ANO10: variants seen among roughly 807,000 people sequenced by gnomAD.
The protein encoded by ANO10 is anoctamin-10.
A neutral mutation model predicts 74.7 loss-of-function variants in ANO10; 77 were observed. The observed-to-expected ratio is 1.03, with a 90% CI of 0.86 to 1.25. ANO10 has a LOEUF of 1.25. Ranked by LOEUF, ANO10 falls within the 50% of genes most tolerant of loss-of-function variation. ANO10 has a pLI of 0.00. For missense variants in ANO10, 721 were observed against 778.1 expected (o/e 0.93, Z 0.87); for synonymous variants, 279 against 284.9 (o/e 0.98, Z 0.21).
At chr3:43,441,202 A>G (rs1245340885) in intron 11 of ANO10, among the ~76,000 whole-genome samples, 1 of 135,210 alleles carries the variant, frequency 7.4e-6, no homozygotes. Flanking sequence ...AAAAATAAAC[A>G]GACTAGAAAA....
At chr3:43,426,819 T>C (rs2148926974) in intron 12 of ANO10, among the ~76,000 whole-genome samples, 1 of 152,350 alleles carries the variant, frequency 6.6e-6, no homozygotes. Flanking sequence ...GAAAATGCCC[T>C]ATGCAAAGTA....
At chr3:43,380,573 T>G (rs13079636) in intron 12 of ANO10, among the ~76,000 whole-genome samples, 28,256 of 152,156 alleles carry the variant, frequency 0.19, 3,144 homozygotes, top group Middle Eastern at 0.35. Context: ...GGCCAAGAAT[T>G]TTGTGTCTAC....
At chr3:43,372,747 G>C (rs1377834123) in intron 12 of ANO10, 3 of 1,131,174 alleles carry the variant, frequency 2.7e-6, no homozygotes, top group East Asian at 5.1e-5. Flanking sequence ...GGTCTCCAGA[G>C]AGCAGGGCCA....
At chr3:43,371,650 A>C (rs1381649316) in intron 12 of ANO10, among the ~76,000 whole-genome samples, 1 of 152,148 alleles carries the variant, frequency 6.6e-6, no homozygotes, top group Non-Finnish European at 1.5e-5. Flanking sequence ...CCTCCACTCA[A>C]GCTGTGCACA....
At chr3:43,664,732 C>T (rs990872374) in intron 1 of ANO10, among the ~76,000 whole-genome samples, 10 of 152,240 alleles carry the variant, frequency 6.6e-5, no homozygotes, top group African/African-American at 2.2e-4. Flanking sequence ...TGAACAGACC[C>T]TTCTCAAAAG....
chr3:43,458,270 C>T (rs911159901), intron 11 of ANO10, among the ~76,000 whole-genome samples: 2 of 152,194 alleles, frequency 1.3e-5, no homozygotes, highest in Non-Finnish European at 2.9e-5. Context: ...GCAATAAGAT[C>T]CTTATAGCAC....
At position 43,584,404 on chromosome 3, in the gene ANO10, C is replaced by T. The variant is rs75328270; in HGVS notation, c.473-3932G>A. Among the ~76,000 whole-genome samples, 710 of 152,252 alleles carry T rather than the reference C, an allele frequency of 4.7e-3. 6 individuals carry two copies. Among genetic ancestry groups the T allele is most frequent in the East Asian group, 0.025 (130 of 5,176 alleles). ...AGATGGACAGTGGGAAGCCAGGACA[C>T]GGCTCGGCTCACTCATACCCAGAGA... On this transcript the variant is annotated intron_variant, in intron 4 of 12. Coordinates refer to ENST00000292246, the MANE Select transcript of ANO10 (RefSeq NM_018075.5).
rs189481495 is a variant in ANO10, at chr3:43,535,307, C to T, written c.1797+14413G>A. Among the ~76,000 whole-genome samples, 38 of 129,058 alleles carry T rather than the reference C, an allele frequency of 2.9e-4. No individual in the cohort carries two copies. In the East Asian group the frequency reaches 8.4e-3, roughly 28 times the overall value. 84.7% of individuals were successfully genotyped at this position (129,058 alleles called of 152,430 possible). ...TTTTTTTGAAGGGGGGAAGAGGTCT[C>T]GCTCTGTCACCAGGCTGGAGTACAA... On this transcript the variant is annotated intron_variant, in intron 11 of 12. Coordinates refer to ENST00000292246, the MANE Select transcript of ANO10 (RefSeq NM_018075.5).
chr3:43,565,133 G>T (rs1367063335), intron 8 of ANO10, among the ~76,000 whole-genome samples: 1 of 152,158 alleles, frequency 6.6e-6, no homozygotes. Context: ...ATAAAAAGGA[G>T]AATTTAGAAA....
intron 11 of ANO10, among the ~76,000 whole-genome samples, chr3:43,510,921 T>G (rs547833680): frequency 5.8e-4 from 88 of 152,318 alleles, no homozygotes; most frequent in Non-Finnish European, 8.8e-4. Context: ...TTTAAAATAG[T>G]AGGACACAAT....
intron 11 of ANO10, among the ~76,000 whole-genome samples, chr3:43,548,504 G>T (rs2079302149): frequency 6.6e-6 from 1 of 152,262 alleles, no homozygotes; most frequent in African/African-American, 2.4e-5. Flanking sequence ...TCCACATATA[G>T]CATCTATCAT....
intron 10 of ANO10, among the ~76,000 whole-genome samples, chr3:43,551,755 CTTTCT>C (rs1396338398): frequency 6.6e-6 from 1 of 152,156 alleles, no homozygotes; most frequent in Non-Finnish European, 1.5e-5. Flanking sequence ...GTCATTCCTT[CTTTCT>C]TTTGATTAAT....
intron 1 of ANO10, among the ~76,000 whole-genome samples, chr3:43,645,063 T>G (rs562124301): frequency 6.6e-6 from 1 of 152,168 alleles, no homozygotes; most frequent in African/African-American, 2.4e-5. Flanking sequence ...ATTTAAAAAT[T>G]TACAAAGCCA....
intron 11 of ANO10, among the ~76,000 whole-genome samples, chr3:43,475,792 G>C (rs570383922): frequency 1.0e-3 from 152 of 152,082 alleles, no homozygotes; most frequent in Admixed American, 2.8e-3. Context: ...AGTAGAGATG[G>C]GGTTTCACCA....
intron 11 of ANO10, among the ~76,000 whole-genome samples, chr3:43,432,944 C>CTTTGTTTTTTTTTTTTTTTTTTTT (rs2093008548): frequency 1.8e-5 from 1 of 55,276 alleles, no homozygotes. Context: ...TTGCTTAATT[C>CTTTGTTTTTTTTTTTTTTTTTTTT]TTTTTTTTTT....
Position 43,372,686 on chromosome 3 carries a change from T to C in ANO10, c.1915-5712A>G, listed in dbSNP as rs1043303882. ...CTCGCATTACCATCTGGTTTATTCA[T>C]TGTTTGCAGATTTTTTTTCTGTCTT... On this transcript the variant is annotated intron_variant, in intron 12 of 12. Transcript: ENST00000292246. 7.8e-6 allele frequency: 5 copies of C among 637,514 alleles called. No individual in the cohort carries two copies. The African/African-American group carries it at 9.1e-5, about 12-fold the overall frequency. 39.5% of individuals were successfully genotyped at this position (637,514 alleles called of 1,614,324 possible).
At chr3:43,507,298 T>C (rs1223731561) in intron 11 of ANO10, among the ~76,000 whole-genome samples, 1 of 151,900 alleles carries the variant, frequency 6.6e-6, no homozygotes, top group East Asian at 1.9e-4. Context: ...ACAGGGTGGG[T>C]TGTATTCTTC....
intron 12 of ANO10, among the ~76,000 whole-genome samples, chr3:43,381,594 G>A (rs986661380): frequency 6.6e-6 from 1 of 152,144 alleles, no homozygotes; most frequent in African/African-American, 2.4e-5. Flanking sequence ...CCTAAGAAAT[G>A]AAATAGACAG....
chr3:43,503,039 A>G (rs368504755), intron 11 of ANO10, among the ~76,000 whole-genome samples: 1 of 152,326 alleles, frequency 6.6e-6, no homozygotes, highest in South Asian at 2.1e-4. Context: ...AAATGTATTT[A>G]ATACCACTGA....
Sources: gnomAD v4.1 joint callset for allele counts (sites outside exome capture counted in the v4.1 genomes callset) on GRCh38, gnomAD v4.1.1 for gene constraint, MANE v1.5 for transcripts, NCBI Gene and HGNC (gene_info 2026-07-23, HGNC 2026-07-21) for gene names.